Variants in MRC2 observed in about 807,000 individuals in gnomAD.
MRC2 encodes mannose receptor C-type 2.
In MRC2, 84 loss-of-function variants were observed where a neutral mutation model predicts 206.2. That is an observed-to-expected ratio of 0.41 (90% CI 0.34 to 0.49). The LOEUF is 0.49. Among genes scored for constraint, MRC2 ranks in the 20% least tolerant of loss-of-function variants. MRC2 has a pLI of 0.31. For missense variants in MRC2, 1,676 were observed against 2,001.5 expected (o/e 0.84, Z 3.10); for synonymous variants, 798 against 800.0 (o/e 1.00, Z 0.04).
intron 20 of MRC2, among the ~76,000 whole-genome samples, chr17:62,686,546 G>A (rs1040175387): frequency 1.3e-5 from 2 of 152,112 alleles, no homozygotes; most frequent in South Asian, 2.1e-4. Context: ...ATGCCCCTTC[G>A]CCCCGCTGCT....
At chr17:62,685,702 G>C (rs1455770028) in intron 20 of MRC2, among the ~76,000 whole-genome samples, 2 of 152,134 alleles carry the variant, frequency 1.3e-5, no homozygotes, top group African/African-American at 2.4e-5. Flanking sequence ...ACCATGCCCA[G>C]CTAATTTTTC....
At chr17:62,685,034 C>T (rs186196283) in intron 20 of MRC2, among the ~76,000 whole-genome samples, 7 of 152,166 alleles carry the variant, frequency 4.6e-5, no homozygotes, top group East Asian at 1.9e-4. Context: ...CTCACCTACT[C>T]GGGAGGCTGA....
intron 18 of MRC2, 145 bp from the exon 19 acceptor site, chr17:62,681,692 G>A: frequency 1.5e-6 from 1 of 664,132 alleles, no homozygotes; most frequent in Non-Finnish European, 2.6e-6. Context: ...CCTGAGCTCA[G>A]TAGCTCCACC....
chr17:62,690,611 C>G (rs1442475784), intron 26 of MRC2, 31 bp from the exon 27 acceptor site: 2 of 1,564,068 alleles, frequency 1.3e-6, no homozygotes, highest in Non-Finnish European at 8.7e-7. Flanking sequence ...GGAGACCCAT[C>G]CGCCCTGACG....
Position 62,690,723 on chromosome 17 carries a change from G to A in MRC2, c.3974G>A (p.Ser1325Asn), listed in dbSNP as rs777433606. ...WEHLQSYEGQSRGAWLGMNFN... is the reference protein window; with the variant it reads ...WEHLQSYEGQNRGAWLGMNFN... ...CACCTGCAGAGCTATGAGGGCCAGA[G>A]TCGGGGCGCCTGGCTGGGCATGAAC... The change falls in exon 27 of 30, where the codon AGT becomes AAT. Residue 1325 changes from serine to asparagine, a missense_variant. This residue lies in a region of MRC2 where 1,354 missense variants were observed against 1,636.6 expected (regional missense o/e 0.83). Transcript: ENST00000303375. 6.2e-7 allele frequency: 1 copy of A among 1,612,736 alleles called. No individual in the cohort carries two copies. The highest frequency in any genetic ancestry group is 8.5e-7 in the Non-Finnish European group (1 of 1,179,446).
chr17:62,690,523 T>C, intron 26 of MRC2, 119 bp from the exon 27 acceptor site: 2 of 1,459,384 alleles, frequency 1.4e-6, no homozygotes, highest in Non-Finnish European at 1.8e-6. Context: ...CACACATGAA[T>C]CCACAGACTC....
At chr17:62,682,479 A>C in intron 20 of MRC2, 102 bp downstream of exon 20, 415 of 1,376,224 alleles carry the variant, frequency 3.0e-4, no homozygotes, top group Non-Finnish European at 3.7e-4. Context: ...CACCAAACTC[A>C]TGGCCTCTTG....
rs1460050955 is a variant in MRC2, at chr17:62,677,414, T to C, written c.1980T>C (p.Asp660=). The change falls in exon 12 of 30, where the codon GAT becomes GAC. Residue 660 remains aspartate (D), a synonymous_variant. Coordinates refer to ENST00000303375, the MANE Select transcript of MRC2 (RefSeq NM_006039.5). Reference sequence around the variant, plus strand: ...TGACGCCGGAGCTGCCGGGGCCAGATCCCACGCCCAGCCTCACTGGCTCCT... The same window carrying C: ...TGACGCCGGAGCTGCCGGGGCCAGACCCCACGCCCAGCCTCACTGGCTCCT... ...TPVTPELPGP[D]PTPSLTGSCP... 1.2e-6 allele frequency: 2 copies of C among 1,611,900 alleles called. No homozygotes were observed. Among genetic ancestry groups the C allele is most frequent in the Non-Finnish European group, 1.7e-6 (2 of 1,179,622 alleles).
Position 62,671,216 on chromosome 17 carries a change from G to T in MRC2, c.1118-433G>T, listed in dbSNP as rs1043852520. ...CCTCCTGAGTAGCGGGACCACAGGC[G>T]CACATCACCATGCCTGGCTAATTTT... is the stretch of plus-strand genomic sequence containing the variant. On this transcript the variant is annotated intron_variant, in intron 6 of 29. Transcript: ENST00000303375. The surrounding 1 kb of genome is among the most constrained non-coding windows in gnomAD (Gnocchi z 4.5). Among the ~76,000 whole-genome samples, 1 of 152,130 alleles carries T rather than the reference G, an allele frequency of 6.6e-6. No individual in the cohort carries two copies. Among genetic ancestry groups the T allele is most frequent in the African/African-American group, 2.4e-5 (1 of 41,430 alleles).
intron 1 of MRC2, among the ~76,000 whole-genome samples, chr17:62,641,559 G>T (rs2088404383): frequency 6.6e-6 from 1 of 152,158 alleles, no homozygotes; most frequent in South Asian, 2.1e-4. Flanking sequence ...ATCTAAGTAT[G>T]TAAGGGCATT....
At chr17:62,674,335 G>C (rs957680117) in intron 9 of MRC2, among the ~76,000 whole-genome samples, 165 bp downstream of exon 9, 2 of 152,208 alleles carry the variant, frequency 1.3e-5, no homozygotes, top group Non-Finnish European at 2.9e-5. Flanking sequence ...GAGTGATACT[G>C]GATGGGATGG....
intron 1 of MRC2, among the ~76,000 whole-genome samples, chr17:62,649,870 C>G (rs1179631237): frequency 6.6e-6 from 1 of 151,286 alleles, no homozygotes; most frequent in Non-Finnish European, 1.5e-5. Context: ...ATAGATACAG[C>G]CTTCTTGTCA....
chr17:62,679,062 G>A (rs1292310377), intron 13 of MRC2, among the ~76,000 whole-genome samples: 2 of 152,148 alleles, frequency 1.3e-5, no homozygotes, highest in Non-Finnish European at 2.9e-5. Context: ...AGAGATAGGA[G>A]GAGAAAGGCC....
Position 62,666,280 on chromosome 17 carries a change from G to T in MRC2, c.694+13G>T. ...TGCCCCATCAAGAGTGAGAGCTGTT[G>T]GAGCCGTGGGGGCGGGGGCAGTGTT... On this transcript the variant is annotated intron_variant, in intron 3 of 29. Transcript: ENST00000303375. This position sits in a 1 kb window ranked among gnomAD's most constrained non-coding sequence, Gnocchi z 5.0. 6.4e-7 allele frequency: 1 copy of T among 1,561,582 alleles called. No homozygotes were observed. Among genetic ancestry groups the T allele is most frequent in the Non-Finnish European group, 8.6e-7 (1 of 1,156,324 alleles).
At chr17:62,663,287 C>T (rs1223383590) in intron 1 of MRC2, among the ~76,000 whole-genome samples, 1 of 148,622 alleles carries the variant, frequency 6.7e-6, no homozygotes, top group Non-Finnish European at 1.5e-5. Context: ...TCTCTTTCCT[C>T]CTTCCTACCC....
At chr17:62,659,467 G>A (rs145433053) in intron 1 of MRC2, among the ~76,000 whole-genome samples, 1,933 of 152,104 alleles carry the variant, frequency 0.013, 34 homozygotes, top group African/African-American at 0.043. Flanking sequence ...CGCTTGAACC[G>A]GGGAGGCGGA....
Position 62,674,118 on chromosome 17 carries a change from A to G in MRC2, c.1517A>G (p.Lys506Arg). ...CNQSLPSICK[K>R]AGQLSQGAAE... Reference sequence around the variant, plus strand: ...CAGTCCTTGCCATCCATCTGCAAGAAGGCAGGCCAGCTGAGCCAGGGGGCC... The same window carrying G: ...CAGTCCTTGCCATCCATCTGCAAGAGGGCAGGCCAGCTGAGCCAGGGGGCC... The change falls in exon 9 of 30, where the codon AAG becomes AGG. Residue 506 changes from lysine (K) to arginine (R), a missense_variant. This residue lies in a region of MRC2 where 1,354 missense variants were observed against 1,636.6 expected (regional missense o/e 0.83). Transcript: ENST00000303375. 1 of 1,556,024 alleles carries G rather than the reference A, an allele frequency of 6.4e-7. No individual in the cohort carries two copies. Among genetic ancestry groups the G allele is most frequent in the African/African-American group, 1.4e-5 (1 of 73,484 alleles).
chr17:62,633,502 C>CAAAA (rs999150702), intron 1 of MRC2, among the ~76,000 whole-genome samples: 2 of 73,522 alleles, frequency 2.7e-5, no homozygotes, highest in South Asian at 5.5e-4. Flanking sequence ...GACTCCGTCT[C>CAAAA]AAAAAAAAAA....
intron 1 of MRC2, among the ~76,000 whole-genome samples, chr17:62,643,997 G>T (rs568438622): frequency 7.9e-5 from 12 of 152,220 alleles, no homozygotes; most frequent in African/African-American, 2.6e-4. Context: ...TATATGAATA[G>T]AAATATTTTG....
Sources: allele counts gnomAD v4.1 joint callset (sites outside exome capture counted in the v4.1 genomes callset), GRCh38; gene constraint gnomAD v4.1.1; regional missense constraint gnomAD v4.1.1; non-coding constraint Gnocchi (gnomAD v3.1); transcripts MANE v1.5; gene names NCBI Gene and HGNC (gene_info 2026-07-23, HGNC 2026-07-21).